Variants in HSDL2 observed in about 807,000 individuals in gnomAD.
HSDL2 encodes hydroxysteroid dehydrogenase like 2.
A neutral mutation model predicts 46.3 loss-of-function variants in HSDL2; 27 were observed. The ratio of observed to expected loss-of-function variants is 0.58; its 90% confidence interval spans 0.43 to 0.80. The LOEUF (loss-of-function observed/expected upper bound fraction) is 0.80, where lower values mean the gene tolerates loss of function less well. HSDL2 is among the 30% of genes least tolerant of loss of function. The pLI is 0.00. For missense variants in HSDL2, 451 were observed against 502.7 expected, an observed-to-expected ratio of 0.90 and a Z score of 0.98; for synonymous variants, 153 against 163.6, an observed-to-expected ratio of 0.94 and a Z score of 0.50.
intron 1 of HSDL2, among the ~76,000 whole-genome samples, chr9:112,384,984 G>T (rs1831185154): frequency 6.6e-6 from 1 of 151,996 alleles, no homozygotes; most frequent in Admixed American, 6.6e-5. Flanking sequence ...AAAGGAAATT[G>T]TTTTTCGTCT....
chr9:112,418,060 G>GAGTGA lies in HSDL2; in HGVS notation c.500-798_500-794dup, dbSNP rs1199539556. Among the ~76,000 whole-genome samples, 5 of 152,216 alleles carry GAGTGA rather than the reference G, an allele frequency of 3.3e-5. No homozygotes were observed. In the East Asian group the frequency reaches 9.7e-4, roughly 29 times the overall value. ...CCACTGTGCTCCAGCCTGGGCAACA[G>GAGTGA]AGTGAAACTGTATCTCAAAAAAAGA... On this transcript the variant is annotated intron_variant, in intron 5 of 10. Transcript: ENST00000398805.
intron 4 of HSDL2, among the ~76,000 whole-genome samples, chr9:112,410,711 G>T (rs1014979607): frequency 9.2e-5 from 14 of 152,160 alleles, no homozygotes; most frequent in African/African-American, 3.4e-4. Context: ...CGGGTCACTT[G>T]AGCCCAGGAG....
At chr9:112,416,216 C>A (rs1355244898) in intron 4 of HSDL2, among the ~76,000 whole-genome samples, 2 of 151,456 alleles carry the variant, frequency 1.3e-5, no homozygotes, top group Non-Finnish European at 2.9e-5. Flanking sequence ...TTGAGACACG[C>A]CTGCGCCACA....
chr9:112,445,279 G>T (rs940438251), intron 8 of HSDL2, among the ~76,000 whole-genome samples: 1 of 152,036 alleles, frequency 6.6e-6, no homozygotes, highest in Admixed American at 6.6e-5. Flanking sequence ...TTTCCCTGTA[G>T]TTAGCACCAT....
At chr9:112,430,302 G>A (rs1564120803) in intron 6 of HSDL2, among the ~76,000 whole-genome samples, 1 of 152,140 alleles carries the variant, frequency 6.6e-6, no homozygotes, top group Non-Finnish European at 1.5e-5. Context: ...CAGTGGATAG[G>A]TCCTGTGGAC....
At position 112,404,073 on chromosome 9, in the gene HSDL2, G is replaced by A. The variant is rs771665059; in HGVS notation, c.96G>A (p.Lys32=). 9.9e-6 allele frequency: 16 copies of A among 1,614,176 alleles called. No individual in the cohort carries two copies. The highest frequency in any genetic ancestry group is 1.4e-5 in the Non-Finnish European group (16 of 1,180,012). Residue 32 remains lysine, a synonymous_variant, in exon 2 of 11, where the codon AAG becomes AAA. Coordinates refer to ENST00000398805, the MANE Select transcript of HSDL2 (RefSeq NM_032303.5). ...IGKAIALKAA[K]DGANIVIAAK... The stretch of plus-strand genomic sequence containing the variant: ...AAGCTATTGCATTGAAAGCAGCAAA[G>A]GATGGAGCAAATATTGTTATTGCTG...
chr9:112,416,538 A>C (rs1831998416), intron 4 of HSDL2, among the ~76,000 whole-genome samples: 1 of 151,200 alleles, frequency 6.6e-6, no homozygotes, highest in South Asian at 2.1e-4. Context: ...GGAGTGCTTG[A>C]GTCCAAGGGG....
chr9:112,469,690 G>A (rs10817350), intron 10 of HSDL2: 5,775 of 87,012 alleles, frequency 0.066, 195 homozygotes, highest in Admixed American at 0.14. Context: ...AAAAAAAAAA[G>A]GAAAAAAAGT....
intron 10 of HSDL2, among the ~76,000 whole-genome samples, chr9:112,463,835 A>G (rs1376377808): frequency 6.6e-6 from 1 of 151,240 alleles, no homozygotes; most frequent in Non-Finnish European, 1.5e-5. Flanking sequence ...TAATTTTTGT[A>G]TTTTTACTAG....
At chr9:112,387,646 C>T (rs572059553) in intron 1 of HSDL2, among the ~76,000 whole-genome samples, 1 of 152,092 alleles carries the variant, frequency 6.6e-6, no homozygotes, top group African/African-American at 2.4e-5. Context: ...TTCGTTTTTG[C>T]ACTGATTGTT....
intron 10 of HSDL2, among the ~76,000 whole-genome samples, chr9:112,466,971 C>G (rs1302878280): frequency 6.6e-6 from 1 of 152,160 alleles, no homozygotes; most frequent in Non-Finnish European, 1.5e-5. Context: ...TGTTGAAGAT[C>G]AGTTGACTAT....
chr9:112,452,395 T>C (rs1390179469), intron 8 of HSDL2, among the ~76,000 whole-genome samples: 1 of 152,212 alleles, frequency 6.6e-6, no homozygotes, highest in East Asian at 1.9e-4. Context: ...GAATTGTTCT[T>C]ACCTGTTTCT....
chr9:112,451,352 G>A (rs1241687964), intron 8 of HSDL2, among the ~76,000 whole-genome samples: 1 of 152,190 alleles, frequency 6.6e-6, no homozygotes, highest in African/African-American at 2.4e-5. Context: ...GCATTGCAAA[G>A]GTTATAAAGT....
In HSDL2 at chr9:112,435,098, C is replaced by G. The variant is rs181732682; in HGVS notation, c.599-3333C>G. On this transcript the variant is annotated intron_variant, in intron 6 of 10. Transcript: ENST00000398805. ...GGTTAGCTTGTTGGCATTGCAAAAT[C>G]TGTGTTGAGAAATACTCAATGGCCC... 3.1e-3 allele frequency among the ~76,000 whole-genome samples: 466 copies of G among 152,162 alleles called. 5 individuals are homozygous for G. Among genetic ancestry groups the G allele is most frequent in the African/African-American group, 0.011 (440 of 41,462 alleles).
chr9:112,450,542 T>C (rs1357932214), intron 8 of HSDL2, among the ~76,000 whole-genome samples: 2 of 149,370 alleles, frequency 1.3e-5, no homozygotes, highest in Non-Finnish European at 3.0e-5. Context: ...GGCACAAGAA[T>C]CGCTTGAACC....
chr9:112,393,094 C>T lies in HSDL2; in HGVS notation c.18-10901C>T, dbSNP rs144028641. On this transcript the variant is annotated intron_variant, in intron 1 of 10. Transcript: ENST00000398805. ...TGACTGGTCTGGCACGCTAAAAAGT[C>T]GATTAAACAGAGAAACATGATTCCA... Among the ~76,000 whole-genome samples, 10 of 152,238 alleles carry T rather than the reference C, an allele frequency of 6.6e-5. No individual in the cohort carries two copies. In the East Asian group the frequency reaches 1.9e-3, roughly 29 times the overall value.
chr9:112,439,196 C>T (rs927633655), intron 7 of HSDL2, among the ~76,000 whole-genome samples: 2 of 152,306 alleles, frequency 1.3e-5, no homozygotes, highest in East Asian at 3.9e-4. Context: ...TGGGGTTTCA[C>T]CATGTTGCCC....
At chr9:112,383,960 C>T (rs892588019) in intron 1 of HSDL2, among the ~76,000 whole-genome samples, 8 of 152,166 alleles carry the variant, frequency 5.3e-5, no homozygotes, top group Non-Finnish European at 1.0e-4. Flanking sequence ...CCTCAGCCCC[C>T]GAAGTGCTAG....
intron 10 of HSDL2, among the ~76,000 whole-genome samples, chr9:112,463,437 C>T (rs1359636310): frequency 6.6e-6 from 1 of 152,104 alleles, no homozygotes; most frequent in Non-Finnish European, 1.5e-5. Context: ...ACCTACCAAA[C>T]TATTTGCTAC....
Sources: allele counts gnomAD v4.1 joint callset (sites outside exome capture counted in the v4.1 genomes callset), GRCh38; gene constraint gnomAD v4.1.1; transcripts MANE v1.5; gene names NCBI Gene and HGNC (gene_info 2026-07-23, HGNC 2026-07-21).